The following CARMIL1 variants were observed in gnomAD, a reference collection of about 807,000 sequenced individuals.
CARMIL1 encodes F-actin-uncapping protein LRRC16A.
CARMIL1 carries 90 observed loss-of-function variants against 177.1 expected under a neutral mutation model. The ratio of observed to expected loss-of-function variants is 0.51; its 90% CI spans 0.43 to 0.61. The LOEUF (loss-of-function observed/expected upper bound fraction) is 0.61. CARMIL1 is among the 20% of genes least tolerant of loss of function. CARMIL1 has a pLI of 0.00. For missense variants in CARMIL1, 1,380 were observed against 1,667.0 expected, an observed-to-expected ratio of 0.83 and a Z score of 3.00; for synonymous variants, 577 against 606.2, an observed-to-expected ratio of 0.95 and a Z score of 0.71.
rs1801564309 is a variant in CARMIL1, at chr6:25,476,237, G to GACCT, written c.874+3717_874+3720dup. Among the ~76,000 whole-genome samples, 4 of 152,192 alleles carry GACCT rather than the reference G, an allele frequency of 2.6e-5. No individual in the cohort carries two copies. In the South Asian group the frequency reaches 8.3e-4, roughly 32 times the overall value. On this transcript the variant is annotated intron_variant, in intron 11 of 36. Coordinates refer to ENST00000329474, the MANE Select transcript of CARMIL1 (RefSeq NM_017640.6). Reference sequence around the variant, plus strand: ...TTTCCCTCTGCTTTCCTACTCCTGAGACCTGACTTTGTGTCCTTTTATCTA... The same window carrying GACCT: ...TTTCCCTCTGCTTTCCTACTCCTGAGACCTACCTGACTTTGTGTCCTTTTATCTA...
intron 23 of CARMIL1, among the ~76,000 whole-genome samples, chr6:25,522,820 T>TTGAC (rs1019296839): frequency 6.6e-6 from 1 of 152,066 alleles, no homozygotes; most frequent in Non-Finnish European, 1.5e-5. Context: ...CATTGATTGA[T>TTGAC]TGATTGGTTG....
chr6:25,482,399 C>A, intron 12 of CARMIL1, 56 bp downstream of exon 12: 2 of 754,432 alleles, frequency 2.7e-6, no homozygotes, highest in South Asian at 1.9e-5. Context: ...GCTGCACCTG[C>A]TACCTTAGTT....
intron 11 of CARMIL1, among the ~76,000 whole-genome samples, chr6:25,481,697 ACCATAAATT>A (rs1168677265): frequency 6.6e-6 from 1 of 152,234 alleles, no homozygotes; most frequent in Non-Finnish European, 1.5e-5. Flanking sequence ...GATTTTAAAT[ACCATAAATT>A]CCTGGTGAGT....
intron 2 of CARMIL1, among the ~76,000 whole-genome samples, chr6:25,418,362 G>T (rs1010829977): frequency 2.0e-5 from 3 of 152,016 alleles, no homozygotes; most frequent in Non-Finnish European, 4.4e-5. Flanking sequence ...ATGCCTTATT[G>T]TTATCGTCTT....
chr6:25,503,396 G>T (rs1368684373), intron 17 of CARMIL1, among the ~76,000 whole-genome samples: 1 of 152,050 alleles, frequency 6.6e-6, no homozygotes. Context: ...TTGTTTCTTA[G>T]GCCTAGATGT....
chr6:25,523,345 G>T (rs947541223), intron 23 of CARMIL1, among the ~76,000 whole-genome samples: 1 of 151,976 alleles, frequency 6.6e-6, no homozygotes, highest in African/African-American at 2.4e-5. Context: ...AATTCTTACT[G>T]GGTGTCTGGC....
At chr6:25,316,172 G>A (rs1372088900) in intron 2 of CARMIL1, among the ~76,000 whole-genome samples, 2 of 151,766 alleles carry the variant, frequency 1.3e-5, no homozygotes, top group African/African-American at 4.8e-5. Context: ...AGAATTGAAA[G>A]TAGCCTTAAT....
chr6:25,605,029 C>T, intron 34 of CARMIL1, 136 bp downstream of exon 34: 1 of 679,822 alleles, frequency 1.5e-6, no homozygotes, highest in Non-Finnish European at 2.5e-6. Context: ...CAGCTATCAT[C>T]TGAAAGACCA....
Position 25,606,074 on chromosome 6 carries a change from CCCAGGTCTT to C in CARMIL1, c.3653_3661del (p.Gly1218_Pro1220del). 3 of 1,613,466 alleles carry C rather than the reference CCCAGGTCTT, an allele frequency of 1.9e-6. No homozygotes were observed. The highest frequency in any genetic ancestry group is 2.2e-5 in the South Asian group (2 of 90,978). On this transcript the variant is annotated inframe_deletion, in exon 35 of 37. Transcript: ENST00000329474. ...TTTTCATCTTAGTGCCTAAACTGCA[CCCAGGTCTT>C]CCAGAGAACCGCTTTGGTTTGGGAA...
At chr6:25,329,555 G>A (rs1322179261) in intron 2 of CARMIL1, among the ~76,000 whole-genome samples, 2 of 152,176 alleles carry the variant, frequency 1.3e-5, no homozygotes, top group African/African-American at 4.8e-5. Flanking sequence ...TCTTGTAAAA[G>A]CACATGAGCA....
chr6:25,281,973 G>A (rs1006652806), intron 1 of CARMIL1, among the ~76,000 whole-genome samples: 5 of 152,020 alleles, frequency 3.3e-5, no homozygotes, highest in African/African-American at 1.2e-4. Flanking sequence ...AAATTAGCTG[G>A]GCGTGGGGGC....
chr6:25,449,369 T>C (rs763686593), intron 5 of CARMIL1, among the ~76,000 whole-genome samples: 3 of 152,124 alleles, frequency 2.0e-5, no homozygotes, highest in Non-Finnish European at 4.4e-5. Context: ...TGAACTTTGT[T>C]AGGTTCTGAG....
chr6:25,382,150 T>G (rs1391392504), intron 2 of CARMIL1, among the ~76,000 whole-genome samples: 1 of 152,072 alleles, frequency 6.6e-6, no homozygotes, highest in Non-Finnish European at 1.5e-5. Flanking sequence ...CAGGCTGGAG[T>G]GCAGTGGCTC....
intron 29 of CARMIL1, among the ~76,000 whole-genome samples, chr6:25,567,646 T>G (rs1811671905): frequency 6.6e-6 from 1 of 152,134 alleles, no homozygotes; most frequent in Non-Finnish European, 1.5e-5. Flanking sequence ...AGGGAACAAG[T>G]AGGGTAGATT....
chr6:25,542,469 C>T (rs1331432461), intron 26 of CARMIL1, among the ~76,000 whole-genome samples: 4 of 152,152 alleles, frequency 2.6e-5, no homozygotes, highest in Non-Finnish European at 4.4e-5. Flanking sequence ...CATTCATCAT[C>T]GCCTCCTTAT....
At chr6:25,550,886 C>T in intron 26 of CARMIL1, 24 bp from the exon 27 acceptor site, 1 of 1,604,132 alleles carries the variant, frequency 6.2e-7, no homozygotes, top group Non-Finnish European at 8.5e-7. Context: ...ATCATCTCTT[C>T]CCTTCACTTG....
chr6:25,334,147 A>C (rs975811198), intron 2 of CARMIL1, among the ~76,000 whole-genome samples: 4 of 152,170 alleles, frequency 2.6e-5, no homozygotes, highest in African/African-American at 9.7e-5. Flanking sequence ...AAAGATGAGA[A>C]ATTTGTTAGG....
chr6:25,600,565 A>G lies in CARMIL1; in HGVS notation c.3371A>G (p.Glu1124Gly), dbSNP rs780250620. The G allele has an allele frequency of 3.1e-6, 5 of 1,613,994 alleles. No homozygotes were observed. Among genetic ancestry groups the G allele is most frequent in the Non-Finnish European group, 4.2e-6 (5 of 1,179,898 alleles). ...AEHNGNSERI[E>G]EIKTPDSFEE... is the part of the protein sequence containing the mutation. ...CACAATGGCAATTCTGAACGGATAG[A>G]GGAGATAAAAACACCTGACTCCTTT... The change falls in exon 33 of 37, where the codon GAG (glutamate) becomes GGG (glycine). Residue 1124 changes from glutamate (E) to glycine (G), a missense_variant. By Grantham distance (98) the Glu-to-Gly change is moderately conservative. Coordinates refer to ENST00000329474, the MANE Select transcript of CARMIL1 (RefSeq NM_017640.6).
chr6:25,439,073 G>C (rs1412384433), intron 5 of CARMIL1, among the ~76,000 whole-genome samples: 1 of 151,550 alleles, frequency 6.6e-6, no homozygotes, highest in Non-Finnish European at 1.5e-5. Context: ...AGTGAGGAAA[G>C]AAAGAGAAGA....
Sources: allele counts gnomAD v4.1 joint callset (sites outside exome capture counted in the v4.1 genomes callset), GRCh38; gene constraint gnomAD v4.1.1; transcripts MANE v1.5; gene names NCBI Gene and HGNC (gene_info 2026-07-23, HGNC 2026-07-21).